The following INTS14 variants were observed in gnomAD, a reference collection of about 807,000 sequenced individuals.
The protein encoded by INTS14 is UPF0464 protein C15orf44.
In INTS14, 27 loss-of-function variants were observed where a neutral mutation model predicts 56.9. That is an observed-to-expected ratio of 0.47 (90% CI 0.35 to 0.65). The LOEUF (loss-of-function observed/expected upper bound fraction) is 0.65. Ranked by LOEUF, INTS14 falls within the 30% of genes least tolerant of loss-of-function variation. The pLI is 0.00. For missense variants in INTS14, 517 were observed against 632.2 expected, an observed-to-expected ratio of 0.82 and a Z score of 1.95; for synonymous variants, 207 against 236.2, an observed-to-expected ratio of 0.88 and a Z score of 1.13.
At chr15:65,609,676 A>G (rs1330329130) in intron 1 of INTS14, among the ~76,000 whole-genome samples, 1 of 152,168 alleles carries the variant, frequency 6.6e-6, no homozygotes, top group Non-Finnish European at 1.5e-5. Context: ...TCCTCATTCA[A>G]GCAGACATAT....
intron 9 of INTS14, among the ~76,000 whole-genome samples, chr15:65,590,373 C>T (rs1046896819): frequency 4.6e-5 from 7 of 152,234 alleles, no homozygotes; most frequent in East Asian, 1.9e-4. Flanking sequence ...GATCACATTA[C>T]TCCTCTTCAG....
chr15:65,584,845 T>A lies in INTS14; in HGVS notation c.1164A>T (p.Pro388=). ...GTTTGTTTTTGGGCTGCAGGGGGAA[T>A]GGACTCTTATTGTCATCCTCGCCAT... ...NPYGEDDNKS[P]FPLQPKNKRS... The change falls in exon 10 of 12, where the codon CCA becomes CCT. Residue 388 remains proline, a synonymous_variant. Transcript: ENST00000313182. 1 of 1,613,594 alleles carries A rather than the reference T, an allele frequency of 6.2e-7. No homozygotes were observed. The highest frequency in any genetic ancestry group is 8.5e-7 in the Non-Finnish European group (1 of 1,179,754).
intron 4 of INTS14, 124 bp from the exon 5 acceptor site, chr15:65,599,114 C>A: frequency 1.1e-5 from 7 of 629,418 alleles, no homozygotes; most frequent in South Asian, 4.7e-5. Context: ...TTTTTAATAG[C>A]CAATGTGAGA....
intron 6 of INTS14, among the ~76,000 whole-genome samples, chr15:65,597,397 T>A (rs777653922): frequency 2.6e-5 from 4 of 152,148 alleles, no homozygotes; most frequent in Non-Finnish European, 4.4e-5. Context: ...ACTGATAATA[T>A]CCAGCCCTAA....
intron 9 of INTS14, among the ~76,000 whole-genome samples, chr15:65,590,358 G>T (rs1004111721): frequency 6.6e-6 from 1 of 152,212 alleles, no homozygotes; most frequent in Non-Finnish European, 1.5e-5. Flanking sequence ...TAGCCAGAAG[G>T]ATCTGATCAC....
chr15:65,586,433 T>A (rs889930866), intron 9 of INTS14: 9 of 152,202 alleles, frequency 5.9e-5, no homozygotes, highest in African/African-American at 1.9e-4. Context: ...TACCTACCTA[T>A]ATTCCAAGTC....
At position 65,579,522 on chromosome 15, in the gene INTS14, A is replaced by G. The variant is rs372145138; in HGVS notation, c.1443T>C (p.His481=). The change falls in exon 12 of 12, where the codon CAT becomes CAC. Residue 481 remains histidine, a synonymous_variant. Transcript: ENST00000313182. ...TGGCCAGCTTGAGCTGCTGGGCAGCATGGGTCAGCTGGAATGCAGCATCAG... is the reference window on the plus strand; with the variant it reads ...TGGCCAGCTTGAGCTGCTGGGCAGCGTGGGTCAGCTGGAATGCAGCATCAG... The part of the protein sequence containing the change: ...AHPDAAFQLT[H]AAQQLKLAST... 1.9e-6 allele frequency: 3 copies of G among 1,614,120 alleles called. No homozygotes were observed. Among genetic ancestry groups the G allele is most frequent in the Non-Finnish European group, 2.5e-6 (3 of 1,180,048 alleles).
intron 1 of INTS14, among the ~76,000 whole-genome samples, chr15:65,609,899 C>T (rs1405812804): frequency 6.6e-6 from 1 of 152,148 alleles, no homozygotes; most frequent in Non-Finnish European, 1.5e-5. Context: ...CTTGCCTTCT[C>T]TGAAGACACC....
In INTS14 at chr15:65,579,113, G is replaced by GGT. The variant is rs1167204847; in HGVS notation, c.*293_*294dup. The GGT allele has an allele frequency of 3.7e-6, 1 of 267,596 alleles. No homozygotes were observed. Among genetic ancestry groups the GGT allele is most frequent in the African/African-American group, 2.2e-5 (1 of 45,200 alleles). 16.6% of individuals were successfully genotyped at this position (267,596 alleles called of 1,614,324 possible). A position where few individuals can be genotyped will look rare whatever the true frequency, so the allele number is the denominator to read the frequency against. ...GGTCAGGTTTCCTGAGGAAGGCAGG[G>GGT]GTGCTCTATGCTCATCAGTCATTCA... On this transcript the variant is annotated 3_prime_UTR_variant, in exon 12 of 12. Coordinates refer to ENST00000313182, the MANE Select transcript of INTS14 (RefSeq NM_001394796.1).
chr15:65,591,803 G>C (rs1175206359), intron 8 of INTS14, 72 bp from the exon 9 acceptor site: 9 of 1,523,490 alleles, frequency 5.9e-6, no homozygotes, highest in Non-Finnish European at 8.0e-6. Flanking sequence ...AGTCTAGCCT[G>C]TATTTTTCTC....
At chr15:65,589,566 A>G (rs2072948833) in intron 9 of INTS14, among the ~76,000 whole-genome samples, 1 of 152,186 alleles carries the variant, frequency 6.6e-6, no homozygotes, top group Non-Finnish European at 1.5e-5. Flanking sequence ...CATGCTACAG[A>G]GCACTGAACT....
intron 2 of INTS14, 139 bp downstream of exon 2, chr15:65,607,020 T>G: frequency 1.9e-6 from 2 of 1,066,070 alleles, no homozygotes; most frequent in South Asian, 3.3e-5. Context: ...TGTGAATTCT[T>G]GCTGTTTAGT....
intron 9 of INTS14, among the ~76,000 whole-genome samples, chr15:65,588,303 A>T (rs1566920622): frequency 6.6e-6 from 1 of 151,394 alleles, no homozygotes; most frequent in African/African-American, 2.4e-5. Context: ...TAAATAAATA[A>T]AATAATAATA....
chr15:65,587,585 T>C (rs1344502125), intron 9 of INTS14, among the ~76,000 whole-genome samples: 1 of 152,074 alleles, frequency 6.6e-6, no homozygotes, highest in East Asian at 1.9e-4. Flanking sequence ...ATTGGGAGGA[T>C]AGTAGGAGGG....
chr15:65,580,114 C>A (rs1212420832), intron 11 of INTS14, among the ~76,000 whole-genome samples: 1 of 152,056 alleles, frequency 6.6e-6, no homozygotes, highest in Non-Finnish European at 1.5e-5. Flanking sequence ...CTGGAGGAGT[C>A]AGAGTGGAAA....
At chr15:65,610,472 C>G (rs2073868877) in intron 1 of INTS14, among the ~76,000 whole-genome samples, 1 of 151,500 alleles carries the variant, frequency 6.6e-6, no homozygotes, top group Admixed American at 6.6e-5. Flanking sequence ...CACCCCCTTC[C>G]CACGTGTACT....
intron 9 of INTS14, among the ~76,000 whole-genome samples, chr15:65,585,243 G>T (rs1311651410): frequency 6.6e-6 from 1 of 151,922 alleles, no homozygotes; most frequent in Non-Finnish European, 1.5e-5. Flanking sequence ...GTCTAACCCA[G>T]TGCTCTCCAA....
intron 3 of INTS14, among the ~76,000 whole-genome samples, chr15:65,601,173 G>GA (rs928742693): frequency 3.3e-5 from 5 of 152,088 alleles, no homozygotes; most frequent in Admixed American, 2.0e-4. Context: ...CCTGTAATTT[G>GA]AAAAAACCAA....
At chr15:65,603,570 C>G (rs751274564) in intron 3 of INTS14, among the ~76,000 whole-genome samples, 1 of 152,038 alleles carries the variant, frequency 6.6e-6, no homozygotes, top group Non-Finnish European at 1.5e-5. Context: ...CTTGGCCTCA[C>G]AAAGTGCTAG....
Sources: allele counts gnomAD v4.1 joint callset (sites outside exome capture counted in the v4.1 genomes callset), GRCh38; gene constraint gnomAD v4.1.1; transcripts MANE v1.5; gene names NCBI Gene and HGNC (gene_info 2026-07-23, HGNC 2026-07-21).